The following EPCIP variants were observed in gnomAD, a reference collection of about 807,000 sequenced individuals.
EPCIP encodes exosomal polycystin 1 interacting protein.
the EPCIP span, among the ~76,000 whole-genome samples, chr21:32,792,500 A>C: frequency 6.6e-6 from 1 of 152,180 alleles, no homozygotes; most frequent in East Asian, 1.9e-4. Flanking sequence ...AATGGTATTC[A>C]TCTAAGTTCT....
chr21:32,793,452 C>T, the EPCIP span: 23 of 479,512 alleles, frequency 4.8e-5, no homozygotes, highest in Non-Finnish European at 6.3e-5. Flanking sequence ...CCATTTCTGA[C>T]GGGACATTTC....
At chr21:32,796,017 C>T in the EPCIP span, among the ~76,000 whole-genome samples, 27 of 151,316 alleles carry the variant, frequency 1.8e-4, 1 homozygote, top group South Asian at 3.6e-3. Flanking sequence ...TCCTTCCCTC[C>T]TTCCCTCCTT....
At chr21:32,798,362 C>T in the EPCIP span, 2 of 152,312 alleles carry the variant, frequency 1.3e-5, no homozygotes, top group African/African-American at 4.8e-5. Context: ...TGTGAGCACA[C>T]TCAGTCCCTG....
the EPCIP span, among the ~76,000 whole-genome samples, chr21:32,792,377 T>G: frequency 6.6e-6 from 1 of 152,190 alleles, no homozygotes; most frequent in Non-Finnish European, 1.5e-5. Flanking sequence ...GAGCCTTAGA[T>G]GTTTTTTTGT....
the EPCIP span, chr21:32,793,706 T>C: frequency 6.5e-7 from 1 of 1,535,284 alleles, no homozygotes; most frequent in Admixed American, 1.7e-5. Flanking sequence ...CCAGATTCCT[T>C]CTGCAAATTA....
At chr21:32,797,291 C>G in the EPCIP span, 1 of 255,864 alleles carries the variant, frequency 3.9e-6, no homozygotes, top group South Asian at 4.0e-5. Flanking sequence ...TGAAGTCGCC[C>G]GGGCTGCAGT....
At chr21:32,799,509 T>C in the EPCIP span, among the ~76,000 whole-genome samples, 2 of 152,234 alleles carry the variant, frequency 1.3e-5, no homozygotes, top group Non-Finnish European at 2.9e-5. Context: ...AGCTTTCTTC[T>C]GGCTTTAACC....
At chr21:32,793,538 T>G in the EPCIP span, 1 of 598,832 alleles carries the variant, frequency 1.7e-6, no homozygotes. Flanking sequence ...CAAGTTGGTT[T>G]TTTGGTTTCT....
the EPCIP span, among the ~76,000 whole-genome samples, chr21:32,800,289 G>A: frequency 3.5e-4 from 54 of 152,332 alleles, no homozygotes; most frequent in African/African-American, 1.2e-3. Context: ...ATCCTAGATT[G>A]AGAAGGAATC....
At chr21:32,807,334 C>CTTTTTT in the EPCIP span, among the ~76,000 whole-genome samples, 24 of 129,980 alleles carry the variant, frequency 1.8e-4, 1 homozygote, top group Admixed American at 7.4e-4. Context: ...CCTCTTATGC[C>CTTTTTT]TTTTTTTTTT....
chr21:32,810,277 A>T, the EPCIP span, among the ~76,000 whole-genome samples: 2 of 92,002 alleles, frequency 2.2e-5, no homozygotes, highest in Non-Finnish European at 1.9e-5. Context: ...TTTTTTTGAG[A>T]CGGAGTCTCG....
the EPCIP span, among the ~76,000 whole-genome samples, chr21:32,805,160 G>A: frequency 2.6e-5 from 4 of 152,212 alleles, no homozygotes; most frequent in Non-Finnish European, 5.9e-5. Flanking sequence ...TTGGAGCAAT[G>A]TGGCTACAAG....
At chr21:32,809,701 G>C in the EPCIP span, among the ~76,000 whole-genome samples, 2 of 151,870 alleles carry the variant, frequency 1.3e-5, no homozygotes, top group African/African-American at 4.8e-5. Flanking sequence ...GACCCCATTC[G>C]CCTCATGCTG....
At chr21:32,803,773 C>A in the EPCIP span, among the ~76,000 whole-genome samples, 5 of 152,196 alleles carry the variant, frequency 3.3e-5, 1 homozygote, top group African/African-American at 1.2e-4. Context: ...TTTATTTCTT[C>A]TTCACATTCC....
chr21:32,804,683 C>T, the EPCIP span, among the ~76,000 whole-genome samples: 1 of 152,052 alleles, frequency 6.6e-6, no homozygotes, highest in Admixed American at 6.6e-5. Context: ...AGAACAAGCA[C>T]AGCGTAAAAC....
the EPCIP span, among the ~76,000 whole-genome samples, chr21:32,795,601 G>C: frequency 6.6e-6 from 1 of 152,218 alleles, no homozygotes; most frequent in Admixed American, 6.5e-5. Context: ...CAGAGCTACT[G>C]GCAGGGCCAC....
At chr21:32,793,011 G>A in the EPCIP span, among the ~76,000 whole-genome samples, 13 of 151,884 alleles carry the variant, frequency 8.6e-5, no homozygotes, top group Admixed American at 2.6e-4. Context: ...GGAGTGTAGA[G>A]TGCAGTGGCA....
the EPCIP span, among the ~76,000 whole-genome samples, chr21:32,796,646 C>T: frequency 1.3e-5 from 2 of 152,174 alleles, no homozygotes; most frequent in Non-Finnish European, 2.9e-5. Flanking sequence ...AGCGTTCTCC[C>T]TGAACAAGAG....
chr21:32,797,075 A>G, the EPCIP span: 5 of 463,960 alleles, frequency 1.1e-5, no homozygotes, highest in Admixed American at 2.4e-5. Context: ...GGCCCTGGCT[A>G]GACCTCAGGA....
Sources: gnomAD v4.1 joint callset for allele counts (sites outside exome capture counted in the v4.1 genomes callset) on GRCh38, gnomAD v4.1.1 for gene constraint, MANE v1.5 for transcripts, NCBI Gene and HGNC (gene_info 2026-07-23, HGNC 2026-07-21) for gene names.